Variants in ZDBF2 observed in about 807,000 individuals in gnomAD.
The protein encoded by ZDBF2 is zinc finger DBF-type containing 2.
ZDBF2 carries 6 observed loss-of-function variants against 9.4 expected under a neutral mutation model. The ratio of observed to expected loss-of-function variants is 0.64; its 90% CI spans 0.35 to 1.27. ZDBF2 has a LOEUF of 1.27. Among genes scored for constraint, ZDBF2 ranks in the 50% most tolerant of loss-of-function variants. The pLI is 0.03. For missense variants in ZDBF2, 2,697 were observed against 2,766.8 expected (o/e 0.97, Z 0.57); for synonymous variants, 905 against 946.3 (o/e 0.96, Z 0.80).
At chr2:206,295,363 C>CTTTTTTTTTTTTTTTTTTTT (rs571707187) in intron 3 of ZDBF2, among the ~76,000 whole-genome samples, 4 of 110,978 alleles carry the variant, frequency 3.6e-5, no homozygotes, top group Non-Finnish European at 3.7e-5. Flanking sequence ...CTTTTCTTTT[C>CTTTTTTTTTTTTTTTTTTTT]TTTTTTTTTT....
Position 206,311,322 on chromosome 2 carries a change from C to T in ZDBF2, c.6794C>T (p.Thr2265Ile), listed in dbSNP as rs767877434. The T allele has an allele frequency of 4.4e-6, 7 of 1,604,520 alleles. No individual in the cohort carries two copies. In the South Asian group the frequency reaches 7.8e-5, roughly 18 times the overall value. Residue 2265 changes from threonine (T) to isoleucine (I), a missense_variant, in exon 5 of 5, where the codon ACA (threonine) becomes ATA (isoleucine). Transcript: ENST00000374423. ...AGTAGGCTAAAGAAGGCGAAGAGAA[C>T]AGCTAAAGTGCTTTTGAACTCTTCA... ...VVSRLKKAKR[T>I]AKVLLNSSVP...
rs147283661 is a variant in ZDBF2, at chr2:206,310,867, A to G, written c.6339A>G (p.Arg2113=). 548 of 1,613,922 alleles carry G rather than the reference A, an allele frequency of 3.4e-4. 3 individuals carry two copies. In the East Asian group the frequency reaches 0.011, roughly 32 times the overall value. Residue 2113 remains arginine (R), a synonymous_variant, in exon 5 of 5, where the codon AGA becomes AGG. Transcript: ENST00000374423. ...ASAPLMAVPA[R]YGFNSHQGTS... is the part of the protein sequence containing the mutation. ...CGCCTTTAATGGCAGTGCCGGCAAG[A>G]TATGGATTTAATTCACATCAGGGAA...
intron 3 of ZDBF2, among the ~76,000 whole-genome samples, chr2:206,292,640 T>C (rs570516086): frequency 1.8e-4 from 28 of 152,146 alleles, no homozygotes; most frequent in Non-Finnish European, 2.9e-4. Context: ...TAAAAAGATA[T>C]CTAGATAAAC....
Position 206,311,624 on chromosome 2 carries a change from A to T in ZDBF2, c.*31A>T, listed in dbSNP as rs1347684789. The stretch of plus-strand genomic sequence containing the variant: ...GGTTTTGTGTTCAGGCTAGTTGAGG[A>T]TTCAGTACTTCAGTTGAAATATATT... On this transcript the variant is annotated 3_prime_UTR_variant, in exon 5 of 5. Coordinates refer to ENST00000374423, the MANE Select transcript of ZDBF2 (RefSeq NM_020923.3). The T allele has an allele frequency of 7.0e-7, 1 of 1,436,868 alleles. No individual in the cohort carries two copies. Among genetic ancestry groups the T allele is most frequent in the Non-Finnish European group, 9.2e-7 (1 of 1,091,854 alleles). 89.0% of individuals were successfully genotyped at this position (1,436,868 alleles called of 1,614,324 possible).
chr2:206,309,732 G>C lies in ZDBF2; in HGVS notation c.5204G>C (p.Arg1735Thr), dbSNP rs201405798. 5.1e-5 allele frequency: 83 copies of C among 1,613,914 alleles called. 1 individual carries two copies. The African/African-American group carries it at 1.1e-3, about 21-fold the overall frequency. ...DKKKRSKLKH[R>T]DLEVSCEPDG... is the part of the protein sequence containing the mutation. ...AAAAAACGTTCGAAGCTAAAACATA[G>C]AGATCTAGAAGTGAGCTGTGAACCG... The change falls in exon 5 of 5, where the codon AGA becomes ACA. Residue 1735 changes from arginine (R) to threonine (T), a missense_variant. By Grantham distance (71) the Arg-to-Thr change is moderately conservative. This residue lies in a region of ZDBF2 where 1,783 missense variants were observed against 1,776.5 expected (regional missense o/e 1.00). Transcript: ENST00000374423.
At chr2:206,296,441 T>C (rs1285272993) in intron 3 of ZDBF2, among the ~76,000 whole-genome samples, 1 of 152,218 alleles carries the variant, frequency 6.6e-6, no homozygotes, top group Admixed American at 6.5e-5. Context: ...TTTATTACAG[T>C]ATATTGTTAT....
At chr2:206,297,027 C>T (rs1384899885) in intron 3 of ZDBF2, among the ~76,000 whole-genome samples, 2 of 152,038 alleles carry the variant, frequency 1.3e-5, no homozygotes, top group Non-Finnish European at 2.9e-5. Context: ...GAATCATTTA[C>T]CTTTAAGACT....
rs1692967471 is a variant in ZDBF2, at chr2:206,308,753, G to A, written c.4225G>A (p.Asp1409Asn). Reference protein sequence around the residue: ...EDKSYKLGDFDVSYASHIPVQ... With the variant: ...EDKSYKLGDFNVSYASHIPVQ... ...TAAGAGCTATAAATTAGGTGATTTT[G>A]ATGTAAGTTATGCTTCTCATATTCC... Residue 1409 changes from aspartate to asparagine, a missense_variant, in exon 5 of 5, where the codon GAT becomes AAT. Around this residue, in one of 3 missense-constraint regions of ZDBF2, gnomAD observed 1,783 missense variants for 1,776.5 expected, o/e 1.00. Transcript: ENST00000374423. 1 of 1,613,494 alleles carries A rather than the reference G, an allele frequency of 6.2e-7. No homozygotes were observed. Among genetic ancestry groups the A allele is most frequent in the Non-Finnish European group, 8.5e-7 (1 of 1,179,780 alleles).
At position 206,307,642 on chromosome 2, in the gene ZDBF2, T is replaced by C. The variant is rs1158738740; in HGVS notation, c.3114T>C (p.Gly1038=). 1 of 1,611,844 alleles carries C rather than the reference T, an allele frequency of 6.2e-7. No homozygotes were observed. The highest frequency in any genetic ancestry group is 8.5e-7 in the Non-Finnish European group (1 of 1,179,258). ...AAAACAAGAATGATAAATGTAGTGG[T>C]TCTGAAATAATTTTGGATTCTAATG... ...VLENKNDKCS[G]SEIILDSNVP... Residue 1038 remains glycine (G), a synonymous_variant, in exon 5 of 5, where the codon GGT becomes GGC. Transcript: ENST00000374423.
chr2:206,304,649 A>G (rs1574413814), intron 4 of ZDBF2, 68 bp from the exon 5 acceptor site: 3 of 1,510,354 alleles, frequency 2.0e-6, no homozygotes, highest in Non-Finnish European at 2.7e-6. Context: ...AACATTTATT[A>G]TGCCTCTATT....
rs1160064300 is a variant in ZDBF2, at chr2:206,309,405, A to T, written c.4877A>T (p.Asn1626Ile). The T allele has an allele frequency of 6.2e-7, 1 of 1,613,756 alleles. No homozygotes were observed. Among genetic ancestry groups the T allele is most frequent in the African/African-American group, 1.3e-5 (1 of 74,932 alleles). The change falls in exon 5 of 5, where the codon AAT becomes ATT. Residue 1626 changes from asparagine to isoleucine, a missense_variant. By Grantham distance (149) the Asn-to-Ile change is moderately radical. This residue lies in a region of ZDBF2 where 1,783 missense variants were observed against 1,776.5 expected (regional missense o/e 1.00). Coordinates refer to ENST00000374423, the MANE Select transcript of ZDBF2 (RefSeq NM_020923.3). The part of the protein sequence containing the change: ...PSCQSCGSEM[N>I]FNVDASDQSM... The stretch of plus-strand genomic sequence containing the variant: ...TGTCAATCTTGTGGTTCTGAAATGA[A>T]TTTTAATGTTGATGCCTCTGATCAG...
chr2:206,294,709 A>G (rs1021059265), intron 3 of ZDBF2, among the ~76,000 whole-genome samples: 3 of 151,992 alleles, frequency 2.0e-5, no homozygotes, highest in African/African-American at 7.3e-5. Context: ...ACATGTACCT[A>G]ATGTTTAGCT....
At position 206,307,877 on chromosome 2, in the gene ZDBF2, A is replaced by C; in HGVS notation, c.3349A>C (p.Ile1117Leu). 6.2e-7 allele frequency: 1 copy of C among 1,613,630 alleles called. No homozygotes were observed. Among genetic ancestry groups the C allele is most frequent in the Non-Finnish European group, 8.5e-7 (1 of 1,179,742 alleles). The change falls in exon 5 of 5, where the codon ATA (isoleucine) becomes CTA (leucine). Residue 1117 changes from isoleucine (I) to leucine (L), a missense_variant. Physicochemically the swap from Ile to Leu is conservative, Grantham distance 5 (BLOSUM62 2). Coordinates refer to ENST00000374423, the MANE Select transcript of ZDBF2 (RefSeq NM_020923.3). Reference protein sequence around the residue: ...KINEPSTYKLIHHPDVSVQSV... With the variant: ...KINEPSTYKLLHHPDVSVQSV... The stretch of plus-strand genomic sequence containing the variant: ...TAATGAACCTAGTACTTATAAATTA[A>C]TACATCATCCTGATGTTTCTGTCCA...
At chr2:206,292,969 T>C (rs577673598) in intron 3 of ZDBF2, among the ~76,000 whole-genome samples, 3 of 152,178 alleles carry the variant, frequency 2.0e-5, no homozygotes, top group East Asian at 1.9e-4. Context: ...GAAAAGCCAA[T>C]TCCAAAAATA....
rs78386861 is a variant in ZDBF2, at chr2:206,306,378, G to T, written c.1850G>T (p.Arg617Leu). The T allele has an allele frequency of 6.2e-7, 1 of 1,613,738 alleles. No homozygotes were observed. The highest frequency in any genetic ancestry group is 1.1e-5 in the South Asian group (1 of 91,076). The stretch of plus-strand genomic sequence containing the variant: ...CAAGTCCACCTAAAACATAAGAAGC[G>T]TAAACCCAGTAGTGCTAAAGCACAT... ...GRQVHLKHKK[R>L]KPSSAKAHLD... Residue 617 changes from arginine to leucine, a missense_variant, in exon 5 of 5, where the codon CGT (arginine) becomes CTT (leucine). Physicochemically the swap from Arg to Leu is moderately radical, Grantham distance 102. Transcript: ENST00000374423.
chr2:206,290,463 A>G (rs571077016), intron 3 of ZDBF2, among the ~76,000 whole-genome samples: 5 of 152,344 alleles, frequency 3.3e-5, no homozygotes, highest in African/African-American at 1.2e-4. Context: ...CTTAATATTA[A>G]GTCTTCCAAT....
chr2:206,276,837 T>C (rs1490918645), intron 1 of ZDBF2, among the ~76,000 whole-genome samples: 1 of 152,238 alleles, frequency 6.6e-6, no homozygotes, highest in Non-Finnish European at 1.5e-5. Flanking sequence ...ATTATTATTT[T>C]ATTAAGACTG....
Position 206,305,831 on chromosome 2 carries a change from C to A in ZDBF2, c.1303C>A (p.Arg435Ser). ...AKEVNLSKEV[R>S]TDVQYKNNKS... ...AGAAGTAAACCTTTCCAAGGAAGTACGTACTGATGTACAGTATAAGAATAA... is the reference window on the plus strand; with the variant it reads ...AGAAGTAAACCTTTCCAAGGAAGTAAGTACTGATGTACAGTATAAGAATAA... Residue 435 changes from arginine to serine, a missense_variant, in exon 5 of 5, where the codon CGT (arginine) becomes AGT (serine). Coordinates refer to ENST00000374423, the MANE Select transcript of ZDBF2 (RefSeq NM_020923.3). The A allele has an allele frequency of 6.2e-7, 1 of 1,613,350 alleles. No homozygotes were observed. Among genetic ancestry groups the A allele is most frequent in the South Asian group, 1.1e-5 (1 of 91,006 alleles).
chr2:206,287,603 A>G (rs1014527070), intron 3 of ZDBF2, among the ~76,000 whole-genome samples: 2 of 152,230 alleles, frequency 1.3e-5, no homozygotes, highest in Non-Finnish European at 2.9e-5. Context: ...CTGGATATCC[A>G]TAGACTTGGG....
Sources: gnomAD v4.1 joint callset for allele counts (sites outside exome capture counted in the v4.1 genomes callset) on GRCh38, gnomAD v4.1.1 for gene constraint, gnomAD v4.1.1 regional missense constraint, MANE v1.5 for transcripts, NCBI Gene and HGNC (gene_info 2026-07-23, HGNC 2026-07-21) for gene names.